The following PRKAR1A variants were observed in gnomAD, a reference collection of about 807,000 sequenced individuals.
PRKAR1A encodes cAMP-dependent protein kinase type I-alpha regulatory subunit.
In PRKAR1A, 3 loss-of-function variants were observed where a neutral mutation model predicts 52.0. The observed-to-expected ratio is 0.06, with a 90% confidence interval of 0.03 to 0.15. The LOEUF is 0.15. Ranked by LOEUF, PRKAR1A falls within the 10% of genes least tolerant of loss-of-function variation. PRKAR1A has a pLI of 1.00. For synonymous variants in PRKAR1A, 188 were observed against 168.4 expected, an observed-to-expected ratio of 1.12 and a Z score of -0.90; for missense variants, 240 against 477.4, an observed-to-expected ratio of 0.50 and a Z score of 4.63.
At chr17:68,476,251 T>G in the PRKAR1A span, among the ~76,000 whole-genome samples, 1 of 152,238 alleles carries the variant, frequency 6.6e-6, no homozygotes, top group Admixed American at 6.5e-5. Context: ...GAACCAATAC[T>G]AGGAGATGGT....
the PRKAR1A span, chr17:68,448,390 T>C: frequency 6.6e-6 from 1 of 152,258 alleles, no homozygotes; most frequent in African/African-American, 2.4e-5. Context: ...ATGCTCATCT[T>C]GGTTCCGACG....
the PRKAR1A span, among the ~76,000 whole-genome samples, chr17:68,424,899 G>A: frequency 6.6e-6 from 1 of 152,142 alleles, no homozygotes; most frequent in African/African-American, 2.4e-5. Flanking sequence ...AAACAAATCA[G>A]TACTTCCATC....
chr17:68,435,567 G>T, the PRKAR1A span: 1 of 1,562,728 alleles, frequency 6.4e-7, no homozygotes, highest in Non-Finnish European at 8.8e-7. Context: ...CCTGCGCACG[G>T]CAGGAGCCAT....
chr17:68,477,551 G>T, the PRKAR1A span, among the ~76,000 whole-genome samples: 3 of 152,056 alleles, frequency 2.0e-5, no homozygotes, highest in African/African-American at 7.2e-5. Context: ...TTTTTTCCCC[G>T]TGTGTACTTA....
chr17:68,458,940 G>GTA, the PRKAR1A span, among the ~76,000 whole-genome samples: 2,691 of 150,914 alleles, frequency 0.018, 49 homozygotes, highest in Non-Finnish European at 0.027. Flanking sequence ...TTATGTATGT[G>GTA]TATATATATA....
At chr17:68,541,489 G>A (rs918746260) in intron 11 of PRKAR1A, 16 of 189,582 alleles carry the variant, frequency 8.4e-5, no homozygotes, top group Non-Finnish European at 1.4e-4. Context: ...TGATCATGAC[G>A]GCTTGACTGA....
chr17:68,485,578 CAGA>C, the PRKAR1A span, among the ~76,000 whole-genome samples: 18 of 152,262 alleles, frequency 1.2e-4, no homozygotes, highest in African/African-American at 2.6e-4. Context: ...GCCCGCACCA[CAGA>C]AGAAGAGACT....
downstream of PRKAR1A, chr17:68,535,090 G>A (rs912949772): frequency 2.2e-5 from 8 of 359,692 alleles, no homozygotes; most frequent in Admixed American, 3.0e-4. Flanking sequence ...TTTTTAGTTT[G>A]CTGTCAGTAG....
intron 7 of PRKAR1A, among the ~76,000 whole-genome samples, chr17:68,526,154 A>T (rs1451902867): frequency 6.6e-6 from 1 of 152,228 alleles, no homozygotes; most frequent in South Asian, 2.1e-4. Context: ...AAGATCTGGT[A>T]TATATGTGCT....
At chr17:68,535,933 C>G (rs2086085437), downstream of PRKAR1A, 1 of 453,916 alleles carries the variant, frequency 2.2e-6, no homozygotes, top group African/African-American at 2.0e-5. Flanking sequence ...TTTGCTTACT[C>G]TCTCTGAGAT....
chr17:68,459,774 A>C, the PRKAR1A span, among the ~76,000 whole-genome samples: 2 of 152,232 alleles, frequency 1.3e-5, no homozygotes, highest in African/African-American at 4.8e-5. Context: ...CATTTATTTA[A>C]TCCAATGTGT....
the PRKAR1A span, among the ~76,000 whole-genome samples, chr17:68,414,884 G>T: frequency 6.6e-6 from 1 of 152,008 alleles, no homozygotes; most frequent in African/African-American, 2.4e-5. Context: ...AATATCTCCT[G>T]TTTTGTTTCT....
intron 7 of PRKAR1A, among the ~76,000 whole-genome samples, chr17:68,526,786 G>A (rs2085805222): frequency 1.3e-5 from 2 of 152,146 alleles, no homozygotes; most frequent in African/African-American, 2.4e-5. Flanking sequence ...GGTGGGAAGA[G>A]GGAGAGGATC....
the PRKAR1A span, among the ~76,000 whole-genome samples, chr17:68,477,712 A>G: frequency 7.2e-6 from 1 of 139,720 alleles, no homozygotes. Context: ...TTTTTTTGGT[A>G]TATCTTCCAT....
chr17:68,474,869 G>A, the PRKAR1A span, among the ~76,000 whole-genome samples: 1 of 152,032 alleles, frequency 6.6e-6, no homozygotes, highest in Non-Finnish European at 1.5e-5. Context: ...AACACAGCAA[G>A]ATCTATCTCA....
At chr17:68,535,683 G>A (rs1460927659), downstream of PRKAR1A, 3 of 437,386 alleles carry the variant, frequency 6.9e-6, no homozygotes, top group South Asian at 4.9e-5. Context: ...TTTTTTTTTT[G>A]TATTTTTTTG....
intron 11 of PRKAR1A, chr17:68,550,977 G>T: frequency 9.9e-7 from 1 of 1,009,678 alleles, no homozygotes; most frequent in Non-Finnish European, 1.3e-6. Context: ...ATGGCTGAAG[G>T]TTTGGAATCT....
chr17:68,542,180 GGA>G, intron 11 of PRKAR1A: 3 of 1,613,522 alleles, frequency 1.9e-6, no homozygotes, highest in Non-Finnish European at 2.5e-6. Flanking sequence ...AGGATGGGGA[GGA>G]GAGAGGAGGA....
chr17:68,474,772 G>A, the PRKAR1A span, among the ~76,000 whole-genome samples: 6 of 152,090 alleles, frequency 3.9e-5, no homozygotes, highest in Middle Eastern at 3.2e-3. Flanking sequence ...GCGGGCGCCT[G>A]TAGTCCCAGC....
Sources: allele counts gnomAD v4.1 joint callset (sites outside exome capture counted in the v4.1 genomes callset), GRCh38; gene constraint gnomAD v4.1.1; transcripts MANE v1.5; gene names NCBI Gene and HGNC (gene_info 2026-07-23, HGNC 2026-07-21).